The following SRRM4 variants were observed in gnomAD, a reference collection of about 807,000 sequenced individuals.
SRRM4 encodes the protein serine/arginine repetitive matrix protein 4.
In SRRM4, 33 loss-of-function variants were observed where a neutral mutation model predicts 68.9. The ratio of observed to expected loss-of-function variants is 0.48; its 90% CI spans 0.36 to 0.64. SRRM4 has a LOEUF of 0.64. Ranked by LOEUF, SRRM4 falls within the 30% of genes least tolerant of loss-of-function variation. The pLI is 0.00. For synonymous variants in SRRM4, 318 were observed against 318.8 expected, an observed-to-expected ratio of 1.00 and a Z score of 0.03; for missense variants, 817 against 827.1, an observed-to-expected ratio of 0.99 and a Z score of 0.15.
At chr12:119,004,538 C>T (rs1480141566) in intron 1 of SRRM4, among the ~76,000 whole-genome samples, 1 of 151,900 alleles carries the variant, frequency 6.6e-6, no homozygotes, top group Non-Finnish European at 1.5e-5. Flanking sequence ...CATTAGGATT[C>T]CTCCATTTTC....
In SRRM4 at chr12:119,145,830, T is replaced by A. The variant is rs1050143603; in HGVS notation, c.1076+145T>A. 5.4e-6 allele frequency: 4 copies of A among 747,496 alleles called. 1 individual carries two copies. Among genetic ancestry groups the A allele is most frequent in the Non-Finnish European group, 2.0e-6 (1 of 508,800 alleles). The allele number at this position is 747,496 out of a possible 1,614,324, so 46.3% of individuals were successfully genotyped here. On this transcript the variant is annotated intron_variant, in intron 9 of 12. Coordinates refer to ENST00000267260, the MANE Select transcript of SRRM4 (RefSeq NM_194286.4). ...AAACTCAACTCAGACTGGCTTGTTT[T>A]AAAACACTAGTGGCACTAGCTTCAG...
chr12:119,070,917 A>C (rs529609928), intron 1 of SRRM4, among the ~76,000 whole-genome samples: 1 of 152,114 alleles, frequency 6.6e-6, no homozygotes, highest in East Asian at 1.9e-4. Context: ...CCCCGTCTTT[A>C]CTCCACTGCC....
chr12:119,126,645 C>T (rs1276328897), intron 7 of SRRM4, among the ~76,000 whole-genome samples: 1 of 152,146 alleles, frequency 6.6e-6, no homozygotes, highest in East Asian at 1.9e-4. Context: ...CATTGGTTGT[C>T]CCAACCTGAG....
At position 119,125,426 on chromosome 12, in the gene SRRM4, C is replaced by A; in HGVS notation, c.561C>A (p.Arg187=). 6.2e-7 allele frequency: 1 copy of A among 1,613,768 alleles called. No homozygotes were observed. The highest frequency in any genetic ancestry group is 1.1e-5 in the South Asian group (1 of 91,028). Residue 187 remains arginine (R), a synonymous_variant, in exon 7 of 13, where the codon CGC becomes CGA. Coordinates refer to ENST00000267260, the MANE Select transcript of SRRM4 (RefSeq NM_194286.4). ...PRKSHRHRHH[R]CPSRSQSSES... ...AGTCTCACCGCCACCGCCATCACCG[C>A]TGCCCCTCGCGGTCCCAGAGCTCGG...
chr12:118,985,128 A>G (rs2135986775), intron 1 of SRRM4, among the ~76,000 whole-genome samples: 1 of 152,310 alleles, frequency 6.6e-6, no homozygotes, highest in South Asian at 2.1e-4. Context: ...TTCTCCCCCA[A>G]GTAATGCTGA....
intron 1 of SRRM4, among the ~76,000 whole-genome samples, chr12:119,023,284 C>T (rs1953527405): frequency 6.6e-6 from 1 of 152,140 alleles, no homozygotes; most frequent in Admixed American, 6.5e-5. Context: ...ATCCCTGGGT[C>T]ACAAAATGGA....
At chr12:118,982,682 T>TTTG (rs1555212619) in intron 1 of SRRM4, among the ~76,000 whole-genome samples, 6 of 134,204 alleles carry the variant, frequency 4.5e-5, no homozygotes, top group African/African-American at 1.7e-4. Context: ...TTTTTTTGTT[T>TTTG]TTTTTTTTTT....
rs34508021 is a variant in SRRM4, at chr12:119,033,662, C to CAA, written c.131+51663_131+51664dup. Among the ~76,000 whole-genome samples, 979 of 139,690 alleles carry CAA rather than the reference C, an allele frequency of 7.0e-3. 13 individuals are homozygous for CAA. Among genetic ancestry groups the CAA allele is most frequent in the African/African-American group, 0.019 (720 of 37,464 alleles). The allele number at this position is 139,690 out of a possible 152,430, so 91.6% of individuals were successfully genotyped here. ...CTGGTGACAGAATGAGACTCCATCT[C>CAA]AAAAAAAAAAAAAAATACTTTTCTC... On this transcript the variant is annotated intron_variant, in intron 1 of 12. Transcript: ENST00000267260.
Position 119,160,293 on chromosome 12 carries a change from C to CTCTCTCTG in SRRM4, c.*3502_*3503insGTCTCTCT, listed in dbSNP as rs1555221762. On this transcript the variant is annotated 3_prime_UTR_variant, in exon 13 of 13. Transcript: ENST00000267260. ...TCTCTCTCTGTCTCTCTCTCTGTCT[C>CTCTCTCTG]TCTCTCTCTCTCTCTCTCTCTCTCT... The CTCTCTCTG allele has an allele frequency of 2.7e-5, 1 of 37,562 alleles. No homozygotes were observed. Among genetic ancestry groups the CTCTCTCTG allele is most frequent in the African/African-American group, 1.6e-4 (1 of 6,236 alleles). The allele number at this position is 37,562 out of a possible 1,614,324, so 2.3% of individuals were successfully genotyped here.
chr12:119,108,352 T>C (rs1307759941), intron 2 of SRRM4, among the ~76,000 whole-genome samples: 4 of 152,198 alleles, frequency 2.6e-5, no homozygotes, highest in Non-Finnish European at 4.4e-5. Context: ...AGAGCTGAGT[T>C]CAATTCCTGG....
chr12:119,146,945 A>G (rs1333993759), intron 9 of SRRM4, among the ~76,000 whole-genome samples: 1 of 152,172 alleles, frequency 6.6e-6, no homozygotes, highest in African/African-American at 2.4e-5. Flanking sequence ...CAAAAAAAAA[A>G]AAGAACATAT....
chr12:119,053,115 T>TG (rs1430808455), intron 1 of SRRM4, among the ~76,000 whole-genome samples: 7 of 152,212 alleles, frequency 4.6e-5, no homozygotes, highest in Admixed American at 3.3e-4. Flanking sequence ...TCTCAACACT[T>TG]GCTAATCTTC....
At chr12:118,982,549 G>A (rs1953254328) in intron 1 of SRRM4, among the ~76,000 whole-genome samples, 1 of 152,100 alleles carries the variant, frequency 6.6e-6, no homozygotes, top group Non-Finnish European at 1.5e-5. Flanking sequence ...CCTTTCTGGC[G>A]GCTGCTGCCG....
chr12:119,042,270 C>T (rs1464628218), intron 1 of SRRM4, among the ~76,000 whole-genome samples: 3 of 151,252 alleles, frequency 2.0e-5, no homozygotes, highest in Non-Finnish European at 4.4e-5. Flanking sequence ...AAGAGAGCTG[C>T]AAGCAGGCCT....
intron 1 of SRRM4, among the ~76,000 whole-genome samples, chr12:119,069,082 A>G (rs990052598): frequency 6.6e-6 from 1 of 152,172 alleles, no homozygotes; most frequent in African/African-American, 2.4e-5. Context: ...AAAAGCCATC[A>G]GGCTTAGGGA....
chr12:119,001,153 C>T (rs1165428591), intron 1 of SRRM4: 3 of 152,230 alleles, frequency 2.0e-5, no homozygotes, highest in Non-Finnish European at 4.4e-5. Context: ...TGAAGGAGAG[C>T]TTTGCTTCTC....
intron 8 of SRRM4, among the ~76,000 whole-genome samples, chr12:119,142,557 G>A (rs920772494): frequency 2.0e-5 from 3 of 152,218 alleles, no homozygotes; most frequent in Admixed American, 2.0e-4. Context: ...TCGTAGTCAA[G>A]ACTAGGAACA....
chr12:118,994,128 C>T (rs1417645681), intron 1 of SRRM4: 1 of 152,122 alleles, frequency 6.6e-6, no homozygotes, highest in Non-Finnish European at 1.5e-5. Flanking sequence ...TACTGCATTC[C>T]AGCCTGGGCA....
chr12:119,074,031 A>T (rs1953894114), intron 1 of SRRM4, among the ~76,000 whole-genome samples: 1 of 152,172 alleles, frequency 6.6e-6, no homozygotes, highest in Admixed American at 6.5e-5. Context: ...TTTTTAAAAG[A>T]GCCTGGCACA....
Sources: gnomAD v4.1 joint callset for allele counts (sites outside exome capture counted in the v4.1 genomes callset) on GRCh38, gnomAD v4.1.1 for gene constraint, MANE v1.5 for transcripts, NCBI Gene and HGNC (gene_info 2026-07-23, HGNC 2026-07-21) for gene names.